DCBLD1: variants seen among roughly 807,000 people sequenced by gnomAD.
DCBLD1 encodes discoidin, CUB and LCCL domain containing 1.
In DCBLD1, 57 loss-of-function variants were observed where a neutral mutation model predicts 71.5. The observed-to-expected ratio is 0.80, with a 90% CI of 0.64 to 0.99. The LOEUF (loss-of-function observed/expected upper bound fraction) is 0.99, where lower values mean the gene tolerates loss of function less well. Among genes scored for constraint, DCBLD1 ranks in the 50% least tolerant of loss-of-function variants. The pLI, the probability that DCBLD1 is intolerant of heterozygous loss-of-function variation, is 0.00. For missense variants in DCBLD1, 891 were observed against 923.5 expected (o/e 0.96, Z 0.46); for synonymous variants, 380 against 363.8 (o/e 1.04, Z -0.51).
chr6:117,503,594 A>G, intron 1 of DCBLD1, 173 bp from the exon 2 acceptor site: 1 of 640,074 alleles, frequency 1.6e-6, no homozygotes, highest in Non-Finnish European at 2.7e-6. Context: ...AGATGAAATA[A>G]CCTGAAACAA....
chr6:117,536,106 G>C (rs1250912144), intron 6 of DCBLD1, among the ~76,000 whole-genome samples: 1 of 152,202 alleles, frequency 6.6e-6, no homozygotes, highest in East Asian at 1.9e-4. Flanking sequence ...TGATGGGAAG[G>C]TACTTAGACT....
chr6:117,535,916 G>A (rs1778867544), intron 6 of DCBLD1, among the ~76,000 whole-genome samples: 1 of 152,180 alleles, frequency 6.6e-6, no homozygotes, highest in Admixed American at 6.5e-5. Flanking sequence ...CAGGACCCAA[G>A]TGGGTCTGAG....
intron 4 of DCBLD1, among the ~76,000 whole-genome samples, chr6:117,521,925 G>T (rs189474342): frequency 6.6e-6 from 1 of 152,328 alleles, no homozygotes; most frequent in East Asian, 1.9e-4. Flanking sequence ...CAGTAGGGCG[G>T]ATTTGGCTCA....
rs1321596802 is a variant in DCBLD1 at position 117,540,632 on chromosome 6, A to ATAG, written c.1102-35_1102-33dup. On this transcript the variant is annotated intron_variant, in intron 9 of 14. Transcript: ENST00000338728. ...ATGATAAACACCTAAAAACTCACTA[A>ATAG]TAGAATCTTAAGGTAAACATAATTT... 6 of 1,613,050 alleles carry ATAG rather than the reference A, an allele frequency of 3.7e-6. No homozygotes were observed. The South Asian group carries it at 6.6e-5, about 18-fold the overall frequency.
Position 117,503,825 on chromosome 6 carries a change from T to C in DCBLD1, c.171T>C (p.Asn57=). The change falls in exon 2 of 15, where the codon AAT becomes AAC. Residue 57 remains asparagine, a synonymous_variant. Transcript: ENST00000338728. ...ATAGTGGCACAATGACATCTAAGAA[T>C]TATCCCGGGACCTACCCCAATCACA... is the stretch of plus-strand genomic sequence containing the variant. The part of the protein sequence containing the change: ...YQDSGTMTSK[N]YPGTYPNHTV... 6.2e-7 allele frequency: 1 copy of C among 1,614,060 alleles called. No individual in the cohort carries two copies. The highest frequency in any genetic ancestry group is 8.5e-7 in the Non-Finnish European group (1 of 1,179,990).
chr6:117,503,729 C>T (rs1230621842), intron 1 of DCBLD1, 38 bp from the exon 2 acceptor site: 2 of 1,593,368 alleles, frequency 1.3e-6, no homozygotes, highest in African/African-American at 1.3e-5. Flanking sequence ...ATTAATGACC[C>T]CTTCTTCTTT....
chr6:117,501,398 A>C (rs754331841), intron 1 of DCBLD1, among the ~76,000 whole-genome samples: 1 of 152,134 alleles, frequency 6.6e-6, no homozygotes, highest in Non-Finnish European at 1.5e-5. Flanking sequence ...CAGTGGCATG[A>C]TCTCAGCTCA....
chr6:117,486,640 A>G (rs1457784651), intron 1 of DCBLD1, among the ~76,000 whole-genome samples: 1 of 152,284 alleles, frequency 6.6e-6, no homozygotes, highest in East Asian at 1.9e-4. Context: ...TCTTGCCCCA[A>G]ATATCCACAA....
At chr6:117,531,599 G>A (rs527336372) in intron 5 of DCBLD1, among the ~76,000 whole-genome samples, 6 of 152,334 alleles carry the variant, frequency 3.9e-5, no homozygotes, top group South Asian at 2.1e-4. Flanking sequence ...TGCCTCCTGA[G>A]GGGATTCAGG....
At chr6:117,553,335 C>T (rs560107869), downstream of DCBLD1, among the ~76,000 whole-genome samples, 1 of 152,220 alleles carries the variant, frequency 6.6e-6, no homozygotes, top group South Asian at 2.1e-4. Flanking sequence ...CACTTCATTC[C>T]TTTCCTCCTT....
At chr6:117,528,599 A>G (rs935684083) in intron 5 of DCBLD1, among the ~76,000 whole-genome samples, 2 of 152,332 alleles carry the variant, frequency 1.3e-5, no homozygotes, top group African/African-American at 2.4e-5. Flanking sequence ...CTGTTTGGCC[A>G]TCATTTATGG....
At chr6:117,562,520 A>G (rs117322147) in intron 14 of DCBLD1, 1 of 203,616 alleles carries the variant, frequency 4.9e-6, no homozygotes, top group Admixed American at 6.0e-5. Flanking sequence ...ACAGATCAAC[A>G]TAATTGAGAA....
At chr6:117,512,801 C>T (rs1348657020) in intron 2 of DCBLD1, among the ~76,000 whole-genome samples, 11 of 151,258 alleles carry the variant, frequency 7.3e-5, no homozygotes, top group Non-Finnish European at 1.5e-5. Context: ...TTGTTGTTGT[C>T]GATTTATGAC....
intron 14 of DCBLD1, chr6:117,563,474 C>A: frequency 7.7e-7 from 1 of 1,301,394 alleles, no homozygotes; most frequent in Non-Finnish European, 1.1e-6. Flanking sequence ...GTAATCCCAG[C>A]ACTTTGAGAG....
chr6:117,547,656 C>A lies in DCBLD1; in HGVS notation c.1616-251C>A, dbSNP rs1195495573. 6.6e-6 allele frequency: 5 copies of A among 755,998 alleles called. No individual in the cohort carries two copies. In the Admixed American group the frequency reaches 1.0e-4, roughly 15 times the overall value. 46.8% of individuals were successfully genotyped at this position (755,998 alleles called of 1,614,324 possible). ...CCTCCCTGAAGTATGTCCCCATGCC[C>A]CAGGACGTCGTCGTCGCCCCCATCT... On this transcript the variant is annotated intron_variant, in intron 14 of 14. Transcript: ENST00000338728.
chr6:117,518,308 C>T (rs918333607), intron 2 of DCBLD1, among the ~76,000 whole-genome samples: 1 of 152,208 alleles, frequency 6.6e-6, no homozygotes, highest in Non-Finnish European at 1.5e-5. Context: ...ACCACCTCAG[C>T]GTGGACATTA....
chr6:117,544,070 C>T (rs545824181), intron 12 of DCBLD1, among the ~76,000 whole-genome samples: 90 of 152,318 alleles, frequency 5.9e-4, no homozygotes, highest in Non-Finnish European at 1.1e-3. Flanking sequence ...TTTCTGCCAT[C>T]ATGAGAGAAG....
intron 1 of DCBLD1, among the ~76,000 whole-genome samples, chr6:117,501,888 G>A (rs1382721719): frequency 6.6e-6 from 1 of 152,012 alleles, no homozygotes; most frequent in African/African-American, 2.4e-5. Flanking sequence ...TCCCTCTCTG[G>A]ACTCTTTTTG....
At chr6:117,505,027 C>T (rs569665439) in intron 2 of DCBLD1, among the ~76,000 whole-genome samples, 6 of 152,238 alleles carry the variant, frequency 3.9e-5, no homozygotes, top group South Asian at 4.1e-4. Flanking sequence ...AGCCCTGAGA[C>T]GATTCAGAAA....
Sources: gnomAD v4.1 joint callset for allele counts (sites outside exome capture counted in the v4.1 genomes callset) on GRCh38, gnomAD v4.1.1 for gene constraint, MANE v1.5 for transcripts, NCBI Gene and HGNC (gene_info 2026-07-23, HGNC 2026-07-21) for gene names.